PDE1C: variants seen among roughly 807,000 people sequenced by gnomAD.
PDE1C encodes phosphodiesterase 1C.
A neutral mutation model predicts 93.1 loss-of-function variants in PDE1C; 62 were observed. The ratio of observed to expected loss-of-function variants is 0.67; its 90% CI spans 0.54 to 0.82. The LOEUF (loss-of-function observed/expected upper bound fraction) is 0.82, where lower values mean the gene tolerates loss of function less well. PDE1C is among the 40% of genes least tolerant of loss of function. The pLI is 0.00. For missense variants in PDE1C, 742 were observed against 884.6 expected, an observed-to-expected ratio of 0.84 and a Z score of 2.04; for synonymous variants, 325 against 310.1, an observed-to-expected ratio of 1.05 and a Z score of -0.50.
At chr7:31,811,720 C>T (rs772990804) in intron 15 of PDE1C, among the ~76,000 whole-genome samples, 3 of 152,058 alleles carry the variant, frequency 2.0e-5, no homozygotes, top group Non-Finnish European at 4.4e-5. Flanking sequence ...TTCTGGAAGT[C>T]GTGGAGATGG....
intron 17 of PDE1C, 42 bp downstream of exon 17, chr7:31,775,622 G>A (rs754142749): frequency 8.5e-6 from 13 of 1,534,012 alleles, no homozygotes; most frequent in Non-Finnish European, 1.2e-5. Context: ...CCTTTCCATT[G>A]TCTGTGGTCA....
At chr7:32,055,721 T>C (rs1054422882) in intron 1 of PDE1C, among the ~76,000 whole-genome samples, 8 of 152,178 alleles carry the variant, frequency 5.3e-5, no homozygotes, top group Non-Finnish European at 1.2e-4. Flanking sequence ...GAATTTTTTT[T>C]TGCTTTGTTT....
intron 1 of PDE1C, among the ~76,000 whole-genome samples, chr7:32,229,695 A>G (rs1263959764): frequency 6.6e-6 from 1 of 152,228 alleles, no homozygotes; most frequent in African/African-American, 2.4e-5. Flanking sequence ...TTGCATTGGA[A>G]GAATACAGGC....
intron 2 of PDE1C, among the ~76,000 whole-genome samples, chr7:32,044,592 G>A (rs1792271257): frequency 6.6e-6 from 1 of 152,060 alleles, no homozygotes; most frequent in African/African-American, 2.4e-5. Flanking sequence ...AGATTAAAGA[G>A]GCCACCCAAT....
At chr7:32,109,431 G>A (rs1027790546) in intron 3 of PDE1C, among the ~76,000 whole-genome samples, 3 of 152,078 alleles carry the variant, frequency 2.0e-5, no homozygotes, top group African/African-American at 7.2e-5. Context: ...CATCTAATAC[G>A]TCTGAATCAG....
intron 2 of PDE1C, among the ~76,000 whole-genome samples, chr7:31,934,857 T>A (rs78782847): frequency 0.074 from 11,245 of 152,228 alleles, 563 homozygotes; most frequent in Middle Eastern, 0.14. Flanking sequence ...CATGAAAATA[T>A]AGTTCTACAA....
At chr7:32,367,137 T>G (rs996732162) in intron 1 of PDE1C, among the ~76,000 whole-genome samples, 1 of 152,028 alleles carries the variant, frequency 6.6e-6, no homozygotes, top group Non-Finnish European at 1.5e-5. Flanking sequence ...AAGAAAAAAC[T>G]AAAGAGATAT....
intron 1 of PDE1C, among the ~76,000 whole-genome samples, chr7:32,272,727 T>TA (rs1440709083): frequency 6.6e-6 from 1 of 152,166 alleles, no homozygotes; most frequent in East Asian, 1.9e-4. Context: ...CCCCTTCCAC[T>TA]AAGCCAGTGA....
intron 2 of PDE1C, among the ~76,000 whole-genome samples, chr7:32,014,793 T>C (rs993706538): frequency 6.6e-6 from 1 of 152,208 alleles, no homozygotes; most frequent in Non-Finnish European, 1.5e-5. Flanking sequence ...AATTGGATAA[T>C]GTGTGATTTT....
At chr7:31,984,258 C>T (rs1362426373) in intron 2 of PDE1C, among the ~76,000 whole-genome samples, 1 of 152,170 alleles carries the variant, frequency 6.6e-6, no homozygotes, top group East Asian at 1.9e-4. Context: ...CTCATAGTAG[C>T]ACGAACCCTA....
rs139410239 is a variant in PDE1C at position 32,370,071 on chromosome 7, G to A, written c.310+57751C>T. ...GCATTATTCACAGTAGCAAAGACTT[G>A]GAACCAACCCAAATGTCCATCAATG... On this transcript the variant is annotated intron_variant, in intron 1 of 1. Transcript: ENST00000672256. Among the ~76,000 whole-genome samples, 636 of 152,258 alleles carry A rather than the reference G, an allele frequency of 4.2e-3. 8 individuals carry two copies. Among genetic ancestry groups the A allele is most frequent in the African/African-American group, 0.015 (619 of 41,528 alleles).
chr7:31,675,010 C>T, the PDE1C span, among the ~76,000 whole-genome samples: 1 of 152,204 alleles, frequency 6.6e-6, no homozygotes, highest in Non-Finnish European at 1.5e-5. Flanking sequence ...GGCAAAAAGG[C>T]TTACGCTTGC....
chr7:32,231,058 T>G (rs777870299), intron 1 of PDE1C, among the ~76,000 whole-genome samples: 9 of 152,220 alleles, frequency 5.9e-5, no homozygotes, highest in Non-Finnish European at 1.0e-4. Context: ...TGGGAAAATT[T>G]AACCTTTTCA....
chr7:31,777,521 G>A (rs1371675012), intron 16 of PDE1C, among the ~76,000 whole-genome samples: 1 of 151,878 alleles, frequency 6.6e-6, no homozygotes, highest in Non-Finnish European at 1.5e-5. Context: ...TAGAGACGGG[G>A]TTTCACTGTG....
intron 1 of PDE1C, among the ~76,000 whole-genome samples, chr7:32,372,156 C>T (rs985865491): frequency 6.7e-5 from 10 of 149,906 alleles, no homozygotes; most frequent in Non-Finnish European, 1.2e-4. Flanking sequence ...TGAGTTCAAG[C>T]GACTCTTGTG....
At chr7:32,176,858 C>T (rs1031373766) in intron 2 of PDE1C, among the ~76,000 whole-genome samples, 1 of 152,030 alleles carries the variant, frequency 6.6e-6, no homozygotes, top group African/African-American at 2.4e-5. Flanking sequence ...GCTCTTATTC[C>T]AGGAGACAGA....
At chr7:32,353,700 T>C (rs191530358) in intron 1 of PDE1C, among the ~76,000 whole-genome samples, 1 of 152,344 alleles carries the variant, frequency 6.6e-6, no homozygotes, top group East Asian at 1.9e-4. Flanking sequence ...TTTGAGTGTA[T>C]TGTCTTTGAG....
chr7:32,158,966 G>A (rs1444354652), intron 3 of PDE1C, among the ~76,000 whole-genome samples: 1 of 152,118 alleles, frequency 6.6e-6, no homozygotes, highest in East Asian at 1.9e-4. Context: ...TTCAACATAA[G>A]GCATGTGTTC....
chr7:32,138,947 G>A (rs1800358719), intron 3 of PDE1C, among the ~76,000 whole-genome samples: 1 of 152,132 alleles, frequency 6.6e-6, no homozygotes, highest in Non-Finnish European at 1.5e-5. Flanking sequence ...TGCAATGATG[G>A]AAATGTTTCA....
Sources: allele counts gnomAD v4.1 joint callset (sites outside exome capture counted in the v4.1 genomes callset), GRCh38; gene constraint gnomAD v4.1.1; transcripts MANE v1.5; gene names NCBI Gene and HGNC (gene_info 2026-07-23, HGNC 2026-07-21).